SEC14L5: variants seen among roughly 807,000 people sequenced by gnomAD.
The protein encoded by SEC14L5 is SEC14-like protein 5.
In SEC14L5, 96 loss-of-function variants were observed where a neutral mutation model predicts 84.6. That is an observed-to-expected ratio of 1.13 (90% CI 0.96 to 1.34). The LOEUF is 1.34. SEC14L5 is among the 40% of genes most tolerant of loss of function. The pLI is 0.00. For synonymous variants in SEC14L5, 546 were observed against 383.4 expected (o/e 1.42, Z -4.95); for missense variants, 1,224 against 942.5 (o/e 1.30, Z -3.91).
Position 5,005,921 on chromosome 16 carries a change from C to G in SEC14L5, c.1310C>G (p.Pro437Arg). 1.3e-6 allele frequency: 2 copies of G among 1,591,846 alleles called. No individual in the cohort carries two copies. Among genetic ancestry groups the G allele is most frequent in the East Asian group, 2.3e-5 (1 of 44,126 alleles). Reference sequence around the variant, plus strand: ...CTTATGTCCTGGTTTCAGATCAGCCCCTTCATCAATGAGAACACCAGGCGG... The same window carrying G: ...CTTATGTCCTGGTTTCAGATCAGCCGCTTCATCAATGAGAACACCAGGCGG... ...VFPVLWTLIS[P>R]FINENTRRKF... The change falls in exon 12 of 16, where the codon CCC (proline) becomes CGC (arginine). Residue 437 changes from proline (P) to arginine (R), a missense_variant. By Grantham distance (103) the Pro-to-Arg change is moderately radical. Transcript: ENST00000251170.
intron 12 of SEC14L5, 101 bp downstream of exon 12, chr16:5,006,149 C>A: frequency 7.8e-7 from 1 of 1,275,210 alleles, no homozygotes; most frequent in Non-Finnish European, 1.1e-6. Flanking sequence ...TGGAGGGGGG[C>A]TGGGTGCGGC....
chr16:4,974,473 G>A (rs1043348940), intron 2 of SEC14L5, among the ~76,000 whole-genome samples: 4 of 152,028 alleles, frequency 2.6e-5, no homozygotes, highest in Admixed American at 2.6e-4. Context: ...CAAAGTGCTG[G>A]GATTACAGGG....
chr16:4,987,627 C>T lies in SEC14L5; in HGVS notation c.134C>T (p.Ser45Phe). 1.3e-6 allele frequency: 2 copies of T among 1,557,214 alleles called. No individual in the cohort carries two copies. The highest frequency in any genetic ancestry group is 2.4e-5 in the South Asian group (2 of 84,476). The change falls in exon 3 of 16, where the codon TCC becomes TTC. Residue 45 changes from serine (S) to phenylalanine (F), a missense_variant. Ser to Phe is a radical substitution (Grantham distance 155, BLOSUM62 -2). Transcript: ENST00000251170. ...VFLGSEVLRE[S>F]RSPDGAVHVV... ...CTGGGCAGCGAGGTCTTGCGCGAGTCCCGCAGCCCGGACGGGGCTGTGCAC... is the reference window on the plus strand; with the variant it reads ...CTGGGCAGCGAGGTCTTGCGCGAGTTCCGCAGCCCGGACGGGGCTGTGCAC...
At chr16:4,964,593 AG>A (rs1283997896) in intron 2 of SEC14L5, among the ~76,000 whole-genome samples, 3 of 151,772 alleles carry the variant, frequency 2.0e-5, no homozygotes, top group Non-Finnish European at 2.9e-5. Context: ...CAAAAAAAAA[AG>A]AACCAGACCC....
chr16:4,975,654 A>G (rs894980004), intron 2 of SEC14L5, among the ~76,000 whole-genome samples: 5 of 152,084 alleles, frequency 3.3e-5, no homozygotes, highest in African/African-American at 1.2e-4. Context: ...TGTCTTTTTC[A>G]CATAATGACT....
chr16:5,000,455 C>A (rs992045042), intron 8 of SEC14L5, among the ~76,000 whole-genome samples, 200 bp from the exon 9 acceptor site: 4 of 152,206 alleles, frequency 2.6e-5, no homozygotes, highest in African/African-American at 9.7e-5. Flanking sequence ...CATTGTAACA[C>A]TTCTGTTTTT....
chr16:5,011,107 A>C lies in SEC14L5; in HGVS notation c.1813A>C (p.Thr605Pro). 1 of 1,602,586 alleles carries C rather than the reference A, an allele frequency of 6.2e-7. No individual in the cohort carries two copies. Among genetic ancestry groups the C allele is most frequent in the Non-Finnish European group, 8.5e-7 (1 of 1,174,888 alleles). Residue 605 changes from threonine to proline, a missense_variant, in exon 15 of 16, where the codon ACC becomes CCC. Physicochemically the swap from Thr to Pro is conservative, Grantham distance 38 (BLOSUM62 -1). Transcript: ENST00000251170. ...EGESIQGSHV[T>P]RWPGVYLLQW... Reference sequence around the variant, plus strand: ...TGATGTGTTTCAGGGCTCCCATGTGACCCGGTGGCCCGGCGTCTACCTGCT... The same window carrying C: ...TGATGTGTTTCAGGGCTCCCATGTGCCCCGGTGGCCCGGCGTCTACCTGCT...
intron 2 of SEC14L5, among the ~76,000 whole-genome samples, chr16:4,980,814 C>A (rs1187743120): frequency 6.6e-6 from 1 of 152,162 alleles, no homozygotes. Context: ...GGCCCTGAAG[C>A]CTGAGCGTCT....
At chr16:4,984,208 G>A (rs1289270494) in intron 2 of SEC14L5, among the ~76,000 whole-genome samples, 1 of 152,034 alleles carries the variant, frequency 6.6e-6, no homozygotes, top group Non-Finnish European at 1.5e-5. Flanking sequence ...ACCACTCCTG[G>A]TCCCTGGCAA....
chr16:4,987,619 G>A lies in SEC14L5; in HGVS notation c.126G>A (p.Leu42=), dbSNP rs779261491. The A allele has an allele frequency of 3.8e-6, 6 of 1,558,966 alleles. No individual in the cohort carries two copies. Among genetic ancestry groups the A allele is most frequent in the Admixed American group, 1.9e-5 (1 of 52,156 alleles). Residue 42 remains leucine, a synonymous_variant, in exon 3 of 16, where the codon TTG becomes TTA. Coordinates refer to ENST00000251170, the MANE Select transcript of SEC14L5 (RefSeq NM_014692.2). ...QIPVFLGSEV[L]RESRSPDGAV... ...CAGTCTTCCTGGGCAGCGAGGTCTTGCGCGAGTCCCGCAGCCCGGACGGGG... is the reference window on the plus strand; with the variant it reads ...CAGTCTTCCTGGGCAGCGAGGTCTTACGCGAGTCCCGCAGCCCGGACGGGG...
chr16:5,002,514 C>G (rs1319021756), intron 10 of SEC14L5, among the ~76,000 whole-genome samples: 1 of 152,038 alleles, frequency 6.6e-6, no homozygotes, highest in Non-Finnish European at 1.5e-5. Flanking sequence ...CCAGGCTGGT[C>G]TCTAGAGATT....
At chr16:5,009,512 T>G (rs1955775416) in intron 14 of SEC14L5, among the ~76,000 whole-genome samples, 1 of 151,982 alleles carries the variant, frequency 6.6e-6, no homozygotes, top group African/African-American at 2.4e-5. Context: ...TTTGTAGAGA[T>G]GGGGTCTTGC....
intron 4 of SEC14L5, among the ~76,000 whole-genome samples, chr16:4,990,057 A>G (rs1023741713): frequency 1.3e-5 from 2 of 151,652 alleles, no homozygotes; most frequent in South Asian, 2.1e-4. Flanking sequence ...TAGATAACAT[A>G]TAATATACAA....
intron 5 of SEC14L5, among the ~76,000 whole-genome samples, chr16:4,991,205 C>G (rs1004370326): frequency 1.8e-5 from 2 of 113,916 alleles, no homozygotes; most frequent in African/African-American, 6.8e-5. Flanking sequence ...ATGATCATTG[C>G]TTGCTCTAAA....
intron 15 of SEC14L5, among the ~76,000 whole-genome samples, chr16:5,011,787 G>A (rs1955807974): frequency 6.6e-6 from 1 of 152,140 alleles, no homozygotes. Flanking sequence ...GGGAACCACT[G>A]GAGCCCCAGT....
chr16:4,980,400 C>A (rs1225449204), intron 2 of SEC14L5, among the ~76,000 whole-genome samples: 1 of 152,122 alleles, frequency 6.6e-6, no homozygotes, highest in Admixed American at 6.5e-5. Context: ...CCCCTCCGTG[C>A]CTGTTATCTG....
rs994080925 is a variant in SEC14L5, at chr16:5,018,004, G to T, written c.*3034G>T. The stretch of plus-strand genomic sequence containing the variant: ...ATTACTGTTGGTGTTTGGGCACCTG[G>T]GCCTTGAATTTAGGCCAGGACTCAA... On this transcript the variant is annotated 3_prime_UTR_variant, in exon 16 of 16. Transcript: ENST00000251170. The T allele has an allele frequency of 1.3e-5, 2 of 152,156 alleles. No individual in the cohort carries two copies. Among genetic ancestry groups the T allele is most frequent in the African/African-American group, 4.8e-5 (2 of 41,418 alleles). The allele number at this position is 152,156 out of a possible 1,614,324, so 9.4% of individuals were successfully genotyped here.
intron 2 of SEC14L5, among the ~76,000 whole-genome samples, chr16:4,985,296 C>T (rs1222909485): frequency 6.6e-6 from 1 of 151,972 alleles, no homozygotes; most frequent in Non-Finnish European, 1.5e-5. Flanking sequence ...CACAATGTCG[C>T]CTCACTGCAA....
intron 2 of SEC14L5, among the ~76,000 whole-genome samples, chr16:4,967,913 C>T (rs1955225047): frequency 6.7e-6 from 1 of 149,216 alleles, no homozygotes; most frequent in African/African-American, 2.5e-5. Flanking sequence ...TCCTTCCTTC[C>T]TTCCTTTCCT....
Sources: allele counts gnomAD v4.1 joint callset (sites outside exome capture counted in the v4.1 genomes callset), GRCh38; gene constraint gnomAD v4.1.1; transcripts MANE v1.5; gene names NCBI Gene and HGNC (gene_info 2026-07-23, HGNC 2026-07-21).